Variants in CRYBG1 observed in about 807,000 individuals in gnomAD.
CRYBG1 encodes crystallin beta-gamma domain containing 1.
A neutral mutation model predicts 189.2 loss-of-function variants in CRYBG1; 139 were observed. The observed-to-expected ratio is 0.73, with a 90% CI of 0.64 to 0.85. CRYBG1 has a LOEUF of 0.85. Ranked by LOEUF, CRYBG1 falls within the 40% of genes least tolerant of loss-of-function variation. The probability of loss-of-function intolerance (pLI) is 0.00; values close to 1 mark genes in which losing one functional copy is unlikely to be tolerated. For synonymous variants in CRYBG1, 1,023 were observed against 1,017.1 expected, an observed-to-expected ratio of 1.01 and a Z score of -0.11; for missense variants, 2,611 against 2,675.8, an observed-to-expected ratio of 0.98 and a Z score of 0.53.
intron 2 of CRYBG1, among the ~76,000 whole-genome samples, chr6:106,483,694 T>C (rs1772527695): frequency 6.6e-6 from 1 of 152,182 alleles, no homozygotes; most frequent in Non-Finnish European, 1.5e-5. Context: ...CTTTTATCTT[T>C]TTGATGATAG....
At chr6:106,549,751 G>T (rs1582833069) in intron 13 of CRYBG1, among the ~76,000 whole-genome samples, 1 of 152,236 alleles carries the variant, frequency 6.6e-6, no homozygotes, top group East Asian at 1.9e-4. Context: ...GATGTTGGCT[G>T]TTATTAGCTA....
intron 1 of CRYBG1, among the ~76,000 whole-genome samples, chr6:106,408,063 C>G (rs1770857510): frequency 6.6e-6 from 1 of 152,038 alleles, no homozygotes; most frequent in African/African-American, 2.4e-5. Context: ...AAAAACCCTT[C>G]AGAAAATCAA....
chr6:106,569,836 T>C lies in CRYBG1; in HGVS notation c.*1270T>C, dbSNP rs41312800. The C allele has an allele frequency of 0.04, 6,030 of 152,260 alleles. 172 individuals carry two copies. The highest frequency in any genetic ancestry group is 0.06 in the Non-Finnish European group (4,102 of 68,016). The allele number at this position is 152,260 out of a possible 1,614,324, so 9.4% of individuals were successfully genotyped here. On this transcript the variant is annotated 3_prime_UTR_variant, in exon 22 of 22. Transcript: ENST00000633556. ...ACAGCCTCAGGTCTTGGGGGCACTA[T>C]AGCCACTAAACGAGGTGTGAAAGGC...
At chr6:106,431,005 GTGTGTACCACCATGCCTGGCTAATTTT>G (rs1474817254) in intron 1 of CRYBG1, among the ~76,000 whole-genome samples, 1 of 152,026 alleles carries the variant, frequency 6.6e-6, no homozygotes, top group Non-Finnish European at 1.5e-5. Context: ...GGGACTACAG[GTGTGTACCACCATGCCTGGCTAATTTT>G]TGTGTTTTTA....
intron 1 of CRYBG1, among the ~76,000 whole-genome samples, chr6:106,377,645 A>ATATATATATATATATATATATATATATT (rs1562290483): frequency 3.7e-5 from 5 of 136,914 alleles, no homozygotes; most frequent in African/African-American, 1.4e-4. Context: ...ATATATATAT[A>ATATATATATATATATATATATATATATT]TATTTTCATT....
chr6:106,512,295 C>A lies in CRYBG1; in HGVS notation c.1178C>A (p.Pro393Gln). ...ACTGAGGGGGCACAAGTGGACGAGCCGGTCGTGATTACTCCCAGAGCGGAA... is the reference window on the plus strand; with the variant it reads ...ACTGAGGGGGCACAAGTGGACGAGCAGGTCGTGATTACTCCCAGAGCGGAA... ...SKTEGAQVDE[P>Q]VVITPRAEDC... Residue 393 changes from proline to glutamine, a missense_variant, in exon 3 of 22, where the codon CCG becomes CAG. Pro to Gln is a moderately conservative substitution (Grantham distance 76). Around this residue, in one of 3 missense-constraint regions of CRYBG1, gnomAD observed 985 missense variants for 924.4 expected, o/e 1.07. Transcript: ENST00000633556. The A allele has an allele frequency of 6.3e-7, 1 of 1,588,302 alleles. No individual in the cohort carries two copies. Among genetic ancestry groups the A allele is most frequent in the Non-Finnish European group, 8.5e-7 (1 of 1,169,932 alleles).
chr6:106,517,202 G>T lies in CRYBG1; in HGVS notation c.1923-1929G>T, dbSNP rs142613973. On this transcript the variant is annotated intron_variant, in intron 3 of 21. Transcript: ENST00000633556. ...TTTTTTGTTTGTTTTGTAGAGACTG[G>T]GTCTCAGTATGTTGCCCAGGCTGGT... Among the ~76,000 whole-genome samples, 20 of 149,448 alleles carry T rather than the reference G, an allele frequency of 1.3e-4. No homozygotes were observed. The East Asian group carries it at 3.9e-3, about 29-fold the overall frequency.
At position 106,520,729 on chromosome 6, in the gene CRYBG1, C is replaced by G. The variant is rs775315490; in HGVS notation, c.3521C>G (p.Ala1174Gly). The change falls in exon 4 of 22, where the codon GCT becomes GGT. Residue 1174 changes from alanine to glycine, a missense_variant. This residue lies in a region of CRYBG1 where 1,622 missense variants were observed against 1,735.0 expected (regional missense o/e 0.93). Transcript: ENST00000633556. ...GAAAGTCAGCCAGAAATGTCACCGG[C>G]TTTACATTTGATGCAGAACCTTGAC... ...KKESQPEMSP[A>G]LHLMQNLDTK... 3 of 1,614,020 alleles carry G rather than the reference C, an allele frequency of 1.9e-6. No homozygotes were observed. The highest frequency in any genetic ancestry group is 2.2e-5 in the South Asian group (2 of 91,082).
At chr6:106,474,269 A>G (rs1383268075) in intron 2 of CRYBG1, among the ~76,000 whole-genome samples, 1 of 152,188 alleles carries the variant, frequency 6.6e-6, no homozygotes, top group Admixed American at 6.5e-5. Flanking sequence ...GCTTGAAGCC[A>G]AGAGTTCGAG....
chr6:106,444,021 C>T (rs903792603), intron 1 of CRYBG1, among the ~76,000 whole-genome samples: 2 of 152,010 alleles, frequency 1.3e-5, no homozygotes, highest in African/African-American at 4.8e-5. Context: ...CAGGCTTTTT[C>T]CTCCTTGCCT....
intron 17 of CRYBG1, among the ~76,000 whole-genome samples, chr6:106,557,561 C>G (rs1386680125): frequency 2.0e-5 from 3 of 152,266 alleles, no homozygotes; most frequent in East Asian, 1.9e-4. Context: ...CAAGCATGCA[C>G]CACCATGCCC....
chr6:106,512,821 C>T lies in CRYBG1; in HGVS notation c.1704C>T (p.Pro568=). The change falls in exon 3 of 22, where the codon CCC becomes CCT. Residue 568 remains proline, a synonymous_variant. Coordinates refer to ENST00000633556, the MANE Select transcript of CRYBG1 (RefSeq NM_001371242.2). ...GGGAGGAGGCGGCGCGGGCCATCCC[C>T]CGCGAGCTCCCGGTCAAGAGCAGCT... ...ESGEEAARAI[P]RELPVKSSSL... 1 of 1,575,138 alleles carries T rather than the reference C, an allele frequency of 6.3e-7. No homozygotes were observed. The highest frequency in any genetic ancestry group is 1.2e-5 in the South Asian group (1 of 86,826).
rs1425288099 is a variant in CRYBG1 at position 106,519,843 on chromosome 6, C to T, written c.2635C>T (p.Pro879Ser). The change falls in exon 4 of 22, where the codon CCC (proline) becomes TCC (serine). Residue 879 changes from proline (P) to serine (S), a missense_variant. Physicochemically the swap from Pro to Ser is moderately conservative, Grantham distance 74. Transcript: ENST00000633556. ...SPGPSLSLSAPAPGDVPKDTC... is the reference protein window; with the variant it reads ...SPGPSLSLSASAPGDVPKDTC... ...TGGGCCTTCTCTTTCACTGTCTGCA[C>T]CCGCTCCTGGGGATGTTCCCAAAGA... 1 of 1,614,194 alleles carries T rather than the reference C, an allele frequency of 6.2e-7. No individual in the cohort carries two copies. Among genetic ancestry groups the T allele is most frequent in the Non-Finnish European group, 8.5e-7 (1 of 1,180,036 alleles).
intron 2 of CRYBG1, among the ~76,000 whole-genome samples, chr6:106,495,753 A>G (rs1772833607): frequency 6.6e-6 from 1 of 150,502 alleles, no homozygotes; most frequent in East Asian, 1.9e-4. Context: ...TTCTTACAGC[A>G]TCTATTTTAT....
intron 1 of CRYBG1, among the ~76,000 whole-genome samples, chr6:106,444,136 A>G (rs1242986705): frequency 6.6e-6 from 1 of 152,182 alleles, no homozygotes; most frequent in African/African-American, 2.4e-5. Flanking sequence ...GCTTAGTAAG[A>G]TCATTAGTCT....
At chr6:106,417,530 T>C (rs193146254) in intron 1 of CRYBG1, among the ~76,000 whole-genome samples, 37 of 152,336 alleles carry the variant, frequency 2.4e-4, no homozygotes, top group African/African-American at 7.9e-4. Context: ...TCCCTTAAAG[T>C]CTAGTTTCTG....
intron 18 of CRYBG1, 71 bp from the exon 19 acceptor site, chr6:106,560,732 T>G: frequency 6.5e-7 from 1 of 1,536,928 alleles, no homozygotes; most frequent in South Asian, 1.2e-5. Context: ...GAAAGCATTC[T>G]AAAAATAAAT....
intron 1 of CRYBG1, among the ~76,000 whole-genome samples, chr6:106,365,761 T>A (rs1562286743): frequency 1.3e-5 from 2 of 151,708 alleles, no homozygotes; most frequent in Non-Finnish European, 1.5e-5. Flanking sequence ...CAAGCATTAA[T>A]GCTCCCTGCA....
intron 2 of CRYBG1, among the ~76,000 whole-genome samples, chr6:106,457,937 A>G (rs1053969516): frequency 2.6e-5 from 4 of 152,260 alleles, no homozygotes; most frequent in African/African-American, 9.6e-5. Context: ...GTGTGTATAC[A>G]TATATATGTA....
Sources: allele counts gnomAD v4.1 joint callset (sites outside exome capture counted in the v4.1 genomes callset), GRCh38; gene constraint gnomAD v4.1.1; regional missense constraint gnomAD v4.1.1; transcripts MANE v1.5; gene names NCBI Gene and HGNC (gene_info 2026-07-23, HGNC 2026-07-21).